Variants in LRRIQ1 observed in about 807,000 individuals in gnomAD.
LRRIQ1 encodes leucine-rich repeat- and IQ domain-containing protein 1.
In LRRIQ1, 210 loss-of-function variants were observed where a neutral mutation model predicts 211.9. That is an observed-to-expected ratio of 0.99 (90% CI 0.89 to 1.11). The LOEUF is 1.11. Among genes scored for constraint, LRRIQ1 ranks in the 50% most tolerant of loss-of-function variants. The pLI, the probability that LRRIQ1 is intolerant of heterozygous loss-of-function variation, is 0.00. For synonymous variants in LRRIQ1, 699 were observed against 650.1 expected, an observed-to-expected ratio of 1.08 and a Z score of -1.14; for missense variants, 2,136 against 1,939.5, an observed-to-expected ratio of 1.10 and a Z score of -1.90.
At chr12:85,212,808 A>C (rs2137077330) in intron 24 of LRRIQ1, among the ~76,000 whole-genome samples, 1 of 150,280 alleles carries the variant, frequency 6.7e-6, no homozygotes, top group Non-Finnish European at 1.5e-5. Context: ...AGAAAGAGAG[A>C]GAGAAAGAGA....
intron 24 of LRRIQ1, 26 bp from the exon 25 acceptor site, chr12:85,229,491 G>A (rs753985015): frequency 1.3e-5 from 20 of 1,582,276 alleles, no homozygotes; most frequent in Middle Eastern, 1.7e-4. Context: ...TAAATAATAA[G>A]TACACGTTCC....
At chr12:85,071,140 A>G (rs914115002) in intron 10 of LRRIQ1, among the ~76,000 whole-genome samples, 3 of 151,980 alleles carry the variant, frequency 2.0e-5, no homozygotes, top group Non-Finnish European at 4.4e-5. Context: ...GATATTGTGC[A>G]TTAGTCCATC....
At chr12:85,257,923 C>T (rs1038682357) in intron 1 of LRRIQ1, among the ~76,000 whole-genome samples, 1 of 151,698 alleles carries the variant, frequency 6.6e-6, no homozygotes, top group African/African-American at 2.4e-5. Flanking sequence ...AAAAAATCAA[C>T]ACACTGGTAT....
At chr12:85,102,960 ATATATAT>A (rs1234568637) in intron 13 of LRRIQ1, among the ~76,000 whole-genome samples, 1 of 99,314 alleles carries the variant, frequency 1.0e-5, no homozygotes, top group Non-Finnish European at 1.9e-5. Context: ...AAAAAAAAAA[ATATATAT>A]ATATATATAT....
At chr12:85,189,826 ATAAT>A (rs1174868786) in intron 24 of LRRIQ1, among the ~76,000 whole-genome samples, 3 of 145,654 alleles carry the variant, frequency 2.1e-5, no homozygotes, top group Admixed American at 7.0e-5. Flanking sequence ...AATATAAATA[ATAAT>A]TAAATATTAT....
intron 23 of LRRIQ1, among the ~76,000 whole-genome samples, chr12:85,155,299 A>G (rs2136688514): frequency 6.6e-6 from 1 of 151,594 alleles, no homozygotes; most frequent in Admixed American, 6.6e-5. Context: ...TTGCTTTTTA[A>G]TTTGTTTGTA....
chr12:85,192,635 T>C (rs1892608836), intron 24 of LRRIQ1, among the ~76,000 whole-genome samples: 1 of 101,318 alleles, frequency 9.9e-6, no homozygotes, highest in Admixed American at 1.3e-4. Flanking sequence ...TAAATAAATA[T>C]ATATAGTTAT....
chr12:85,115,175 G>T (rs534051666), intron 15 of LRRIQ1, among the ~76,000 whole-genome samples: 1 of 152,022 alleles, frequency 6.6e-6, no homozygotes, highest in Admixed American at 6.6e-5. Context: ...ATTAGGAGGC[G>T]CCCAGCTGGA....
At chr12:85,084,577 G>T (rs1884621797) in intron 11 of LRRIQ1, among the ~76,000 whole-genome samples, 1 of 152,002 alleles carries the variant, frequency 6.6e-6, no homozygotes, top group Admixed American at 6.6e-5. Context: ...TACTGCTTTT[G>T]AAATGAAGTC....
In LRRIQ1 at chr12:85,057,143, CTG is replaced by C. The variant is rs752840482; in HGVS notation, c.2351_2352del (p.Leu784ArgfsTer54). 6.4e-7 allele frequency: 1 copy of C among 1,566,412 alleles called. No individual in the cohort carries two copies. Among genetic ancestry groups the C allele is most frequent in the South Asian group, 1.2e-5 (1 of 81,974 alleles). ...PANMTPALDKLEILRCGPWDT... is the reference protein window; with the variant it reads ...PANMTPALDKXEILRCGPWDT... ...CAACATGACACCCGCTTTGGATAAA[CTG>C]GAAATTCTTCGATGTGGCCCTTGGG... On this transcript the variant is annotated frameshift_variant, in exon 8 of 27. Transcript: ENST00000393217. LOFTEE classifies it high-confidence loss of function.
At chr12:85,190,581 A>G (rs1179199862) in intron 24 of LRRIQ1, among the ~76,000 whole-genome samples, 1 of 150,912 alleles carries the variant, frequency 6.6e-6, no homozygotes, top group East Asian at 1.9e-4. Flanking sequence ...ACATAAATGC[A>G]TATATTATCT....
chr12:85,211,488 A>G (rs1474926394), intron 24 of LRRIQ1, among the ~76,000 whole-genome samples: 1 of 152,198 alleles, frequency 6.6e-6, no homozygotes, highest in Non-Finnish European at 1.5e-5. Flanking sequence ...AAATTAGCAC[A>G]AACAAGCCTT....
chr12:85,269,018 G>C (rs957417654), downstream of LRRIQ1, among the ~76,000 whole-genome samples: 1 of 151,898 alleles, frequency 6.6e-6, no homozygotes, highest in Non-Finnish European at 1.5e-5. Context: ...GACATTGAAG[G>C]ATGAATTAAC....
intron 19 of LRRIQ1, among the ~76,000 whole-genome samples, chr12:85,149,449 T>A (rs1366968478): frequency 6.6e-6 from 1 of 151,934 alleles, no homozygotes; most frequent in Admixed American, 6.6e-5. Flanking sequence ...TTGCTGAAAA[T>A]CAGATGGTTG....
At chr12:85,059,344 C>G (rs1881508574) in intron 8 of LRRIQ1, among the ~76,000 whole-genome samples, 1 of 152,026 alleles carries the variant, frequency 6.6e-6, no homozygotes, top group Non-Finnish European at 1.5e-5. Context: ...AGATACTCCT[C>G]AAGTTACAAT....
intron 6 of LRRIQ1, among the ~76,000 whole-genome samples, chr12:85,050,406 C>G (rs1021933850): frequency 6.6e-6 from 1 of 152,146 alleles, no homozygotes; most frequent in Non-Finnish European, 1.5e-5. Flanking sequence ...GACTACATAA[C>G]TCTCCTACAA....
At chr12:85,248,615 T>C (rs1031311626), downstream of LRRIQ1, among the ~76,000 whole-genome samples, 1 of 151,666 alleles carries the variant, frequency 6.6e-6, no homozygotes, top group African/African-American at 2.4e-5. Flanking sequence ...AGTTGTTCTT[T>C]GGTTATATCT....
chr12:85,190,572 C>T (rs10862961), intron 24 of LRRIQ1, among the ~76,000 whole-genome samples: 89,403 of 149,428 alleles, frequency 0.6, 29,073 homozygotes, highest in African/African-American at 0.87. Context: ...TATAAGGTAA[C>T]ATAAATGCAT....
At chr12:85,159,755 A>AT (rs895907508) in intron 23 of LRRIQ1, among the ~76,000 whole-genome samples, 16 of 149,378 alleles carry the variant, frequency 1.1e-4, no homozygotes, top group East Asian at 3.9e-4. Flanking sequence ...TTGACATGTC[A>AT]TTTTTTTTTG....
Sources: gnomAD v4.1 joint callset for allele counts (sites outside exome capture counted in the v4.1 genomes callset) on GRCh38, gnomAD v4.1.1 for gene constraint, MANE v1.5 for transcripts, NCBI Gene and HGNC (gene_info 2026-07-23, HGNC 2026-07-21) for gene names.